The following TESK2 variants were observed in gnomAD, a reference collection of about 807,000 sequenced individuals.
TESK2 encodes the protein testis associated actin remodelling kinase 2, also known as dual specificity testis-specific protein kinase 2.
Under a neutral mutation model 57.1 loss-of-function variants are expected in TESK2, and 39 were observed. That is an observed-to-expected ratio of 0.68 (90% CI 0.53 to 0.89). The LOEUF (loss-of-function observed/expected upper bound fraction) is 0.89, where lower values mean the gene tolerates loss of function less well. Among genes scored for constraint, TESK2 ranks in the 40% least tolerant of loss-of-function variants. TESK2 has a pLI of 0.00. For missense variants in TESK2, 646 were observed against 732.1 expected (o/e 0.88, Z 1.36); for synonymous variants, 249 against 267.9 (o/e 0.93, Z 0.69).
chr1:45,350,168 C>CAA (rs1053292429), intron 5 of TESK2, among the ~76,000 whole-genome samples: 40 of 152,156 alleles, frequency 2.6e-4, no homozygotes, highest in African/African-American at 7.0e-4. Context: ...AAGCGTGTGT[C>CAA]AAACGTATAC....
intron 4 of TESK2, among the ~76,000 whole-genome samples, chr1:45,357,492 C>G (rs184387137): frequency 2.7e-5 from 4 of 149,602 alleles, no homozygotes; most frequent in Admixed American, 1.3e-4. Flanking sequence ...TATGGAGAAA[C>G]TATTTGAAGA....
At chr1:45,365,608 C>T (rs865831112) in intron 4 of TESK2, among the ~76,000 whole-genome samples, 40 of 151,452 alleles carry the variant, frequency 2.6e-4, no homozygotes, top group Middle Eastern at 3.4e-3. Flanking sequence ...CCTCCTCTTG[C>T]GTTCAAGTGA....
At chr1:45,441,677 G>A (rs1048122837) in intron 2 of TESK2, among the ~76,000 whole-genome samples, 10 of 145,884 alleles carry the variant, frequency 6.9e-5, no homozygotes, top group African/African-American at 2.6e-4. Flanking sequence ...GGAGTACAGT[G>A]GTGCGATCTC....
chr1:45,479,210 T>C (rs1653114967), intron 1 of TESK2, among the ~76,000 whole-genome samples: 1 of 152,162 alleles, frequency 6.6e-6, no homozygotes, highest in South Asian at 2.1e-4. Context: ...AAGTAAATAC[T>C]ATGTAATGTG....
chr1:45,461,366 C>A (rs561168502), intron 1 of TESK2, among the ~76,000 whole-genome samples: 12 of 151,950 alleles, frequency 7.9e-5, no homozygotes, highest in East Asian at 7.7e-4. Flanking sequence ...ACAACAACAA[C>A]AAAAAAACCC....
intron 1 of TESK2, among the ~76,000 whole-genome samples, chr1:45,472,251 CAAAA>C (rs10605872): frequency 2.4e-5 from 3 of 123,748 alleles, no homozygotes; most frequent in Non-Finnish European, 5.1e-5. Flanking sequence ...GACTCCATCT[CAAAA>C]AAAAAAAAAA....
rs1297490805 is a variant in TESK2 at position 45,468,149 on chromosome 1, C to A, written c.-86-10278G>T. On this transcript the variant is annotated intron_variant, in intron 1 of 10. Transcript: ENST00000372086. ...CGTGTTTGGGCTACTGCATTCCAGC[C>A]TGGGCAATAGAGCAAACGTCTGTCT... Among the ~76,000 whole-genome samples, 3 of 150,384 alleles carry A rather than the reference C, an allele frequency of 2.0e-5. No individual in the cohort carries two copies. The South Asian group carries it at 6.3e-4, about 31-fold the overall frequency.
chr1:45,344,893 T>C lies in TESK2; in HGVS notation c.1663A>G (p.Thr555Ala), dbSNP rs780085448. 1.9e-6 allele frequency: 3 copies of C among 1,613,666 alleles called. No homozygotes were observed. Among genetic ancestry groups the C allele is most frequent in the Non-Finnish European group, 2.5e-6 (3 of 1,180,030 alleles). ...AGGCCTATGCCTGAGGTGGAGAAGG[T>C]GGCTGGAGTTGAGCCTGCTGGCCTT... ...EERPAGSTPA[T>A]FSTSGIGLQT... Residue 555 changes from threonine (T) to alanine (A), a missense_variant, in exon 11 of 11, where the codon ACC (threonine) becomes GCC (alanine). Coordinates refer to ENST00000372086, the MANE Select transcript of TESK2 (RefSeq NM_007170.3).
chr1:45,346,137 C>G (rs1026704245), intron 9 of TESK2, 143 bp from the exon 10 acceptor site: 1 of 676,684 alleles, frequency 1.5e-6, no homozygotes, highest in African/African-American at 1.8e-5. Flanking sequence ...TGAAGGTGAT[C>G]CCTACAGTTC....
chr1:45,415,040 T>C, intron 3 of TESK2: 1 of 1,172,088 alleles, frequency 8.5e-7, no homozygotes, highest in South Asian at 1.2e-5. Context: ...CCCCACCATG[T>C]TCTTCAACAT....
chr1:45,417,447 G>A (rs372820308), intron 3 of TESK2, among the ~76,000 whole-genome samples: 9 of 152,014 alleles, frequency 5.9e-5, no homozygotes, highest in East Asian at 5.8e-4. Flanking sequence ...AGTCAGGCTG[G>A]TCTCGAACTC....
intron 1 of TESK2, among the ~76,000 whole-genome samples, chr1:45,459,464 A>G (rs1476372006): frequency 6.6e-6 from 1 of 152,242 alleles, no homozygotes; most frequent in Non-Finnish European, 1.5e-5. Context: ...CCCAAATAAC[A>G]AAACATTTAA....
chr1:45,384,638 G>T, intron 4 of TESK2, among the ~76,000 whole-genome samples: 1 of 110,148 alleles, frequency 9.1e-6, no homozygotes, highest in Non-Finnish European at 1.7e-5. Flanking sequence ...TAGAGACAGA[G>T]CCTTGCTATG....
At chr1:45,392,298 C>T (rs968212569) in intron 3 of TESK2, among the ~76,000 whole-genome samples, 1 of 152,226 alleles carries the variant, frequency 6.6e-6, no homozygotes, top group African/African-American at 2.4e-5. Flanking sequence ...GTTGGCCAGG[C>T]TGGTCTTAAA....
At chr1:45,417,758 A>C (rs1650302393) in intron 3 of TESK2, among the ~76,000 whole-genome samples, 1 of 151,898 alleles carries the variant, frequency 6.6e-6, no homozygotes, top group Admixed American at 6.6e-5. Context: ...CACCTGGCTA[A>C]TTTTTTATAT....
chr1:45,462,273 CT>C (rs879331274), intron 1 of TESK2, among the ~76,000 whole-genome samples: 34 of 147,690 alleles, frequency 2.3e-4, no homozygotes, highest in Admixed American at 2.7e-4. Context: ...AAAGGGATCT[CT>C]TTTTTTTTTT....
intron 3 of TESK2, among the ~76,000 whole-genome samples, chr1:45,417,741 A>G (rs1482054296): frequency 6.6e-6 from 1 of 151,918 alleles, no homozygotes; most frequent in Non-Finnish European, 1.5e-5. Flanking sequence ...ACAGGCACCC[A>G]CCACCACACC....
chr1:45,384,264 C>G (rs1429572056), intron 4 of TESK2, among the ~76,000 whole-genome samples: 1 of 152,178 alleles, frequency 6.6e-6, no homozygotes, highest in African/African-American at 2.4e-5. Context: ...CTCAGTCTGT[C>G]CTTCTCCCCA....
At chr1:45,360,296 T>A (rs1647627631) in intron 4 of TESK2, among the ~76,000 whole-genome samples, 1 of 152,170 alleles carries the variant, frequency 6.6e-6, no homozygotes, top group Non-Finnish European at 1.5e-5. Context: ...CAGATTTCTT[T>A]AGCTCTGAAA....
Sources: gnomAD v4.1 joint callset for allele counts (sites outside exome capture counted in the v4.1 genomes callset) on GRCh38, gnomAD v4.1.1 for gene constraint, MANE v1.5 for transcripts, NCBI Gene and HGNC (gene_info 2026-07-23, HGNC 2026-07-21) for gene names.